CHD9: variants seen among roughly 807,000 people sequenced by gnomAD.
CHD9 encodes chromodomain helicase DNA binding protein 9, also known as ATP-dependent chromatin remodeler CHD9.
CHD9 carries 77 observed loss-of-function variants against 316.1 expected under a neutral mutation model. The observed-to-expected ratio is 0.24, with a 90% CI of 0.20 to 0.29. The LOEUF (loss-of-function observed/expected upper bound fraction) is 0.29. Ranked by LOEUF, CHD9 falls within the 10% of genes least tolerant of loss-of-function variation. The pLI is 1.00. For synonymous variants in CHD9, 1,129 were observed against 1,158.3 expected, an observed-to-expected ratio of 0.97 and a Z score of 0.51; for missense variants, 2,763 against 3,438.1, an observed-to-expected ratio of 0.80 and a Z score of 4.91.
intron 1 of CHD9, among the ~76,000 whole-genome samples, chr16:53,135,305 G>T (rs982086198): frequency 6.6e-6 from 1 of 152,132 alleles, no homozygotes; most frequent in African/African-American, 2.4e-5. Flanking sequence ...CATTGCAGTC[G>T]TTGAAGATTT....
chr16:53,067,945 G>C (rs537833715), intron 1 of CHD9, among the ~76,000 whole-genome samples: 2 of 152,174 alleles, frequency 1.3e-5, no homozygotes, highest in East Asian at 3.9e-4. Flanking sequence ...TGTGGTACCA[G>C]CTACTTGGGG....
intron 3 of CHD9, among the ~76,000 whole-genome samples, chr16:53,214,401 G>A (rs911638717): frequency 3.3e-5 from 5 of 152,068 alleles, no homozygotes; most frequent in Non-Finnish European, 4.4e-5. Context: ...ATATATGCTC[G>A]AATTAAATAT....
At chr16:53,086,743 T>C (rs1198588501) in intron 1 of CHD9, among the ~76,000 whole-genome samples, 4 of 152,224 alleles carry the variant, frequency 2.6e-5, no homozygotes, top group African/African-American at 9.6e-5. Context: ...AATGCTCAGG[T>C]AGGCGGAATG....
chr16:53,104,995 A>AC (rs55638029), intron 1 of CHD9, among the ~76,000 whole-genome samples: 41,805 of 151,066 alleles, frequency 0.28, 7,188 homozygotes, highest in Non-Finnish European at 0.38. Flanking sequence ...TTAAAAAAAA[A>AC]CAAAAAAACA....
intron 17 of CHD9, 54 bp from the exon 18 acceptor site, chr16:53,254,384 C>T: frequency 7.5e-7 from 1 of 1,340,924 alleles, no homozygotes; most frequent in Non-Finnish European, 1.0e-6. Flanking sequence ...ATATAGTTTA[C>T]TATTAAATGC....
chr16:53,294,380 G>A (rs954994587), intron 29 of CHD9, among the ~76,000 whole-genome samples: 19 of 152,200 alleles, frequency 1.2e-4, no homozygotes, highest in South Asian at 2.1e-4. Flanking sequence ...TACCGCCTCT[G>A]TAAATGAACT....
intron 22 of CHD9, among the ~76,000 whole-genome samples, chr16:53,272,486 A>G (rs760068827): frequency 6.6e-6 from 1 of 152,150 alleles, no homozygotes; most frequent in Non-Finnish European, 1.5e-5. Flanking sequence ...AAGAATTGCA[A>G]GAGGAGTCAA....
chr16:53,144,919 G>C (rs935927185), intron 1 of CHD9, among the ~76,000 whole-genome samples: 1 of 149,608 alleles, frequency 6.7e-6, no homozygotes, highest in African/African-American at 2.5e-5. Flanking sequence ...TTGAGTACAG[G>C]AAGTCAAGGC....
At position 53,284,540 on chromosome 16, in the gene CHD9, A is replaced by G. The variant is rs146444478; in HGVS notation, c.4968-1056A>G. Among the ~76,000 whole-genome samples, 564 of 152,278 alleles carry G rather than the reference A, an allele frequency of 3.7e-3. 7 individuals are homozygous for G. The highest frequency in any genetic ancestry group is 0.013 in the African/African-American group (528 of 41,580). Reference sequence around the variant, plus strand: ...CATGACATGTTTTTAGACATGTTATATATGTAACTTGCCAAAGCTTTCTGG... The same window carrying G: ...CATGACATGTTTTTAGACATGTTATGTATGTAACTTGCCAAAGCTTTCTGG... On this transcript the variant is annotated intron_variant, in intron 24 of 38. Transcript: ENST00000447540.
chr16:53,301,767 CTTTT>C (rs199846098), intron 30 of CHD9, among the ~76,000 whole-genome samples: 4 of 126,222 alleles, frequency 3.2e-5, no homozygotes, highest in African/African-American at 3.0e-5. Context: ...TCTTTTTTTT[CTTTT>C]TTTTTTTTTT....
chr16:53,156,909 T>C lies in CHD9; in HGVS notation c.820T>C (p.Tyr274His), dbSNP rs1198877880. 1.9e-6 allele frequency: 3 copies of C among 1,613,644 alleles called. No homozygotes were observed. The highest frequency in any genetic ancestry group is 1.1e-5 in the South Asian group (1 of 91,078). Residue 274 changes from tyrosine (Y) to histidine (H), a missense_variant, in exon 2 of 39, where the codon TAT becomes CAT. Physicochemically the swap from Tyr to His is moderately conservative, Grantham distance 83. Transcript: ENST00000447540. ...VSNSQQFSSH[Y>H]SFSSNHISPN... Reference sequence around the variant, plus strand: ...TAATTCACAGCAATTTTCTTCACATTATTCCTTTTCCAGTAATCATATATC... The same window carrying C: ...TAATTCACAGCAATTTTCTTCACATCATTCCTTTTCCAGTAATCATATATC...
At chr16:53,159,947 G>A (rs1357968468) in intron 2 of CHD9, among the ~76,000 whole-genome samples, 1 of 152,116 alleles carries the variant, frequency 6.6e-6, no homozygotes, top group Non-Finnish European at 1.5e-5. Context: ...CGATATTTCA[G>A]CATATTTTTT....
At chr16:53,266,987 GAAA>G (rs1191269009) in intron 20 of CHD9, among the ~76,000 whole-genome samples, 2 of 152,022 alleles carry the variant, frequency 1.3e-5, no homozygotes, top group African/African-American at 2.4e-5. Flanking sequence ...ATTAGGTAAA[GAAA>G]AATTATAAGG....
At chr16:53,319,990 A>G (rs1235644286) in intron 37 of CHD9, 7 of 382,862 alleles carry the variant, frequency 1.8e-5, no homozygotes, top group African/African-American at 2.2e-5. Flanking sequence ...TTATTTAAAT[A>G]TACTTCTTTA....
intron 1 of CHD9, among the ~76,000 whole-genome samples, chr16:53,132,735 G>C (rs1476790314): frequency 6.7e-6 from 1 of 149,566 alleles, no homozygotes; most frequent in Admixed American, 6.7e-5. Context: ...TCTATTGCTC[G>C]AAGCAAGTTC....
At chr16:53,140,315 A>G (rs1263625524) in intron 1 of CHD9, among the ~76,000 whole-genome samples, 1 of 151,232 alleles carries the variant, frequency 6.6e-6, no homozygotes, top group Non-Finnish European at 1.5e-5. Flanking sequence ...AAAATTAGCC[A>G]GATGTGGTGG....
chr16:53,300,197 C>T (rs1225648043), intron 30 of CHD9, among the ~76,000 whole-genome samples: 1 of 151,906 alleles, frequency 6.6e-6, no homozygotes, highest in Non-Finnish European at 1.5e-5. Context: ...ACTAAAGATA[C>T]AAAAAATTAG....
At chr16:53,278,804 A>G (rs371233743) in intron 24 of CHD9, among the ~76,000 whole-genome samples, 5 of 152,264 alleles carry the variant, frequency 3.3e-5, no homozygotes, top group Non-Finnish European at 2.9e-5. Flanking sequence ...CAAAACCACA[A>G]TGAGATACCA....
chr16:53,155,721 CCA>C (rs1405103458), intron 1 of CHD9, among the ~76,000 whole-genome samples: 1 of 152,134 alleles, frequency 6.6e-6, no homozygotes, highest in African/African-American at 2.4e-5. Context: ...ACCCACCATG[CCA>C]CCAGCTCTAG....
Sources: gnomAD v4.1 joint callset for allele counts (sites outside exome capture counted in the v4.1 genomes callset) on GRCh38, gnomAD v4.1.1 for gene constraint, MANE v1.5 for transcripts, NCBI Gene and HGNC (gene_info 2026-07-23, HGNC 2026-07-21) for gene names.